The following TANC1 variants were observed in gnomAD, a reference collection of about 807,000 sequenced individuals.
The protein encoded by TANC1 is tetratricopeptide repeat, ankyrin repeat and coiled-coil containing 1.
In TANC1, 77 loss-of-function variants were observed where a neutral mutation model predicts 149.7. That is an observed-to-expected ratio of 0.51 (90% CI 0.43 to 0.62). The LOEUF (loss-of-function observed/expected upper bound fraction) is 0.62, where lower values mean the gene tolerates loss of function less well. Ranked by LOEUF, TANC1 falls within the 20% of genes least tolerant of loss-of-function variation. The pLI, the probability that TANC1 is intolerant of heterozygous loss-of-function variation, is 0.00. For missense variants in TANC1, 1,985 were observed against 2,321.8 expected (o/e 0.85, Z 2.98); for synonymous variants, 854 against 925.0 (o/e 0.92, Z 1.39).
intron 3 of TANC1, among the ~76,000 whole-genome samples, chr2:159,080,512 G>T (rs2044159977): frequency 6.6e-6 from 1 of 152,168 alleles, no homozygotes; most frequent in Non-Finnish European, 1.5e-5. Context: ...AGTCTGTGGT[G>T]CTCCATCTCT....
intron 1 of TANC1, among the ~76,000 whole-genome samples, chr2:158,996,237 G>A (rs112656422): frequency 2.0e-5 from 3 of 152,218 alleles, no homozygotes; most frequent in South Asian, 2.1e-4. Context: ...GCATGTGCCT[G>A]TAGTCCCAGC....
chr2:159,096,424 T>C (rs1451071067), intron 3 of TANC1, among the ~76,000 whole-genome samples: 5 of 152,148 alleles, frequency 3.3e-5, no homozygotes, highest in Non-Finnish European at 7.3e-5. Flanking sequence ...TTAGAAATGC[T>C]TGTTCCCTGG....
At chr2:159,136,911 C>T (rs1185265757) in intron 5 of TANC1, among the ~76,000 whole-genome samples, 3 of 151,454 alleles carry the variant, frequency 2.0e-5, no homozygotes, top group Non-Finnish European at 4.4e-5. Flanking sequence ...CAGATATATT[C>T]ATAGTTGTTT....
At chr2:159,168,444 G>A (rs2054839636) in intron 8 of TANC1, among the ~76,000 whole-genome samples, 1 of 151,570 alleles carries the variant, frequency 6.6e-6, no homozygotes, top group South Asian at 2.1e-4. Flanking sequence ...GGATTTCAGA[G>A]ACCCGCCTCC....
intron 2 of TANC1, among the ~76,000 whole-genome samples, chr2:159,005,028 C>T (rs1044335797): frequency 6.6e-6 from 1 of 152,226 alleles, no homozygotes; most frequent in South Asian, 2.1e-4. Context: ...GGCTAGTTAT[C>T]TGCAGCAGGA....
chr2:159,065,577 G>A (rs563326947), intron 2 of TANC1, among the ~76,000 whole-genome samples: 1 of 150,946 alleles, frequency 6.6e-6, no homozygotes, highest in East Asian at 1.9e-4. Context: ...ATATCTTGCA[G>A]TACTGTACCC....
At chr2:159,140,756 TCTCGG>T (rs1027603741) in intron 5 of TANC1, among the ~76,000 whole-genome samples, 2 of 144,928 alleles carry the variant, frequency 1.4e-5, no homozygotes, top group African/African-American at 5.1e-5. Context: ...AGTGGCACAG[TCTCGG>T]CTCACTGCAA....
intron 6 of TANC1, chr2:159,149,547 G>T: frequency 2.3e-6 from 1 of 425,724 alleles, no homozygotes; most frequent in South Asian, 2.3e-5. Flanking sequence ...GAGGCTAAAA[G>T]AATGCCTTCA....
intron 14 of TANC1, among the ~76,000 whole-genome samples, chr2:159,183,518 G>T (rs1176475081): frequency 1.3e-5 from 2 of 152,104 alleles, no homozygotes; most frequent in South Asian, 2.1e-4. Context: ...TGTAAGTGTT[G>T]CCAAGAGGTG....
chr2:159,185,682 G>C (rs1322369828), intron 14 of TANC1, 109 bp from the exon 15 acceptor site: 7 of 714,510 alleles, frequency 9.8e-6, no homozygotes, highest in Non-Finnish European at 1.7e-5. Context: ...TTACATCTTT[G>C]TCACGGGCAT....
intron 2 of TANC1, among the ~76,000 whole-genome samples, chr2:159,050,905 G>A (rs1307978994): frequency 6.6e-6 from 1 of 152,146 alleles, no homozygotes; most frequent in African/African-American, 2.4e-5. Context: ...GGCTTTGTTA[G>A]GTTTGTGAGA....
intron 2 of TANC1, among the ~76,000 whole-genome samples, chr2:159,006,979 C>G (rs1033321665): frequency 1.3e-5 from 2 of 152,098 alleles, no homozygotes; most frequent in African/African-American, 2.4e-5. Flanking sequence ...AGTTCTTACA[C>G]AGGTATGCAA....
chr2:159,028,887 G>C (rs562871111), intron 2 of TANC1, among the ~76,000 whole-genome samples: 1 of 152,276 alleles, frequency 6.6e-6, no homozygotes, highest in East Asian at 1.9e-4. Flanking sequence ...TCAAGCAGCT[G>C]AGACTATAGG....
chr2:159,214,791 C>G (rs2059241429), intron 19 of TANC1, among the ~76,000 whole-genome samples: 1 of 152,238 alleles, frequency 6.6e-6, no homozygotes, highest in Middle Eastern at 3.2e-3. Flanking sequence ...CGCTTTAGTG[C>G]TGTCTGCTGC....
At chr2:159,113,127 T>C (rs192214701) in intron 4 of TANC1, among the ~76,000 whole-genome samples, 252 of 151,874 alleles carry the variant, frequency 1.7e-3, no homozygotes, top group Admixed American at 0.011. Flanking sequence ...TAGAGAAGGG[T>C]TTTCTCTGCC....
intron 2 of TANC1, among the ~76,000 whole-genome samples, chr2:159,058,244 A>T (rs2041992887): frequency 2.0e-5 from 3 of 152,196 alleles, no homozygotes; most frequent in Admixed American, 6.5e-5. Flanking sequence ...AATAAAACCT[A>T]CCTGCAGCCA....
At chr2:159,176,104 C>T (rs1302352448) in intron 12 of TANC1, among the ~76,000 whole-genome samples, 4 of 152,202 alleles carry the variant, frequency 2.6e-5, no homozygotes, top group Admixed American at 6.5e-5. Flanking sequence ...GTTATATACA[C>T]GAGTGAGATT....
intron 19 of TANC1, among the ~76,000 whole-genome samples, chr2:159,201,989 TA>T (rs1419869166): frequency 6.6e-6 from 1 of 152,214 alleles, no homozygotes; most frequent in East Asian, 1.9e-4. Flanking sequence ...CGCAGGAGCT[TA>T]AATTCACGCA....
At chr2:159,066,584 G>A (rs2042688056) in intron 3 of TANC1, among the ~76,000 whole-genome samples, 1 of 152,164 alleles carries the variant, frequency 6.6e-6, no homozygotes, top group Non-Finnish European at 1.5e-5. Flanking sequence ...TTGAGGGATA[G>A]CAGGTGTGTT....
Sources: gnomAD v4.1 joint callset for allele counts (sites outside exome capture counted in the v4.1 genomes callset) on GRCh38, gnomAD v4.1.1 for gene constraint, MANE v1.5 for transcripts, NCBI Gene and HGNC (gene_info 2026-07-23, HGNC 2026-07-21) for gene names.